Variants in ERP29 observed in about 807,000 individuals in gnomAD.
The protein encoded by ERP29 is endoplasmic reticulum resident protein 29.
In ERP29, 14 loss-of-function variants were observed where a neutral mutation model predicts 21.7. The ratio of observed to expected loss-of-function variants is 0.64; its 90% confidence interval spans 0.43 to 1.01. ERP29 has a LOEUF of 1.01. Among genes scored for constraint, ERP29 ranks in the 50% least tolerant of loss-of-function variants. ERP29 has a pLI of 0.00. For missense variants in ERP29, 286 were observed against 327.3 expected, an observed-to-expected ratio of 0.87 and a Z score of 0.97; for synonymous variants, 129 against 139.1, an observed-to-expected ratio of 0.93 and a Z score of 0.51.
intron 1 of ERP29, among the ~76,000 whole-genome samples, chr12:112,017,512 T>C (rs916691410): frequency 1.3e-5 from 2 of 152,074 alleles, no homozygotes; most frequent in African/African-American, 4.8e-5. Flanking sequence ...AGAGAGCAAA[T>C]GAAAAAGCTC....
At chr12:112,015,558 C>A (rs1032360788) in intron 1 of ERP29, among the ~76,000 whole-genome samples, 2 of 152,092 alleles carry the variant, frequency 1.3e-5, no homozygotes, top group Admixed American at 6.5e-5. Context: ...CCTACAGCAC[C>A]CTATGCTTTG....
At position 112,019,874 on chromosome 12, in the gene ERP29, T is replaced by C; in HGVS notation, c.263T>C (p.Val88Ala). 2 of 1,614,050 alleles carry C rather than the reference T, an allele frequency of 1.2e-6. No individual in the cohort carries two copies. The highest frequency in any genetic ancestry group is 2.2e-5 in the South Asian group (2 of 91,070). Residue 88 changes from valine (V) to alanine (A), a missense_variant, in exon 2 of 3, where the codon GTG becomes GCG. Physicochemically the swap from Val to Ala is moderately conservative, Grantham distance 64 (BLOSUM62 0). Coordinates refer to ENST00000261735, the MANE Select transcript of ERP29 (RefSeq NM_006817.4). ...TCGGCTTCCAGCGATGATCTCTTGG[T>C]GGCAGAGGTGGGGATCTCAGGTATG... ...ENSASSDDLL[V>A]AEVGISDYGD...
intron 1 of ERP29, among the ~76,000 whole-genome samples, chr12:112,016,877 G>A (rs2078015699): frequency 6.6e-6 from 1 of 151,826 alleles, no homozygotes; most frequent in Non-Finnish European, 1.5e-5. Flanking sequence ...GCAACAGAGC[G>A]AGACCCTGCC....
chr12:112,021,715 C>T (rs1305699367), intron 2 of ERP29, among the ~76,000 whole-genome samples: 3 of 151,596 alleles, frequency 2.0e-5, no homozygotes, highest in African/African-American at 7.3e-5. Flanking sequence ...TTAGCAGAGA[C>T]AGCGGTTTCA....
At position 112,015,928 on chromosome 12, in the gene ERP29, CTAGT is replaced by C. The variant is rs1455245886; in HGVS notation, c.144+2326_144+2329del. Among the ~76,000 whole-genome samples, 26 of 152,314 alleles carry C rather than the reference CTAGT, an allele frequency of 1.7e-4. 1 individual carries two copies. The highest frequency in any genetic ancestry group is 6.2e-4 in the South Asian group (3 of 4,828). ...TATTCTCTGCCCAAACTTTGAAAGG[CTAGT>C]TAGTTACTTCTCATCATTCGGGCTT... On this transcript the variant is annotated intron_variant, in intron 1 of 2. Coordinates refer to ENST00000261735, the MANE Select transcript of ERP29 (RefSeq NM_006817.4).
rs150286029 is a variant in ERP29 at position 112,022,892 on chromosome 12, G to A, written c.*240G>A. On this transcript the variant is annotated 3_prime_UTR_variant, in exon 3 of 3. Transcript: ENST00000261735. ...TGGCTGGTGAAATGACACCTCAGAA[G>A]GAATGAGTGCTATAGAGAGGAGAGA... 1 of 550,294 alleles carries A rather than the reference G, an allele frequency of 1.8e-6. No individual in the cohort carries two copies. The highest frequency in any genetic ancestry group is 3.1e-5 in the East Asian group (1 of 32,380). The allele number at this position is 550,294 out of a possible 1,614,324, so 34.1% of individuals were successfully genotyped here.
At chr12:112,021,703 T>G (rs548255029) in intron 2 of ERP29, among the ~76,000 whole-genome samples, 3 of 151,874 alleles carry the variant, frequency 2.0e-5, no homozygotes, top group Non-Finnish European at 4.4e-5. Context: ...TTTTTGTTAT[T>G]TTTAGCAGAG....
chr12:112,020,350 C>T (rs1309626755), intron 2 of ERP29, among the ~76,000 whole-genome samples: 1 of 152,140 alleles, frequency 6.6e-6, no homozygotes, highest in Non-Finnish European at 1.5e-5. Context: ...CCAACCACAG[C>T]GACAGCTTTA....
Position 112,021,548 on chromosome 12 carries a change from A to G in ERP29, c.284-602A>G, listed in dbSNP as rs567757286. ...TTTTTTTTTTTTTTTTTTTGAGACA[A>G]AGTCTCACTCTGTTGCCCAAGCTGG... On this transcript the variant is annotated intron_variant, in intron 2 of 2. Coordinates refer to ENST00000261735, the MANE Select transcript of ERP29 (RefSeq NM_006817.4). Among the ~76,000 whole-genome samples, 39 of 113,236 alleles carry G rather than the reference A, an allele frequency of 3.4e-4. No individual in the cohort carries two copies. The East Asian group carries it at 0.051, about 148-fold the overall frequency. 74.3% of individuals were successfully genotyped at this position (113,236 alleles called of 152,430 possible).
chr12:112,019,973 C>A, intron 2 of ERP29, 79 bp downstream of exon 2: 1 of 1,537,734 alleles, frequency 6.5e-7, no homozygotes, highest in Non-Finnish European at 9.0e-7. Flanking sequence ...AACAGGAATA[C>A]CCAGCATCTT....
At chr12:112,021,422 C>A (rs1010490440) in intron 2 of ERP29, among the ~76,000 whole-genome samples, 1 of 151,584 alleles carries the variant, frequency 6.6e-6, no homozygotes, top group African/African-American at 2.4e-5. Context: ...TTTGTCACAT[C>A]GCGCTGTTTT....
Position 112,023,396 on chromosome 12 carries a change from CACTAAATAAAT to C in ERP29, c.*750_*760del, listed in dbSNP as rs1326193664. ...AAATATTTTCCATCTAAATCACTAT[CACTAAATAAAT>C]ACTAACTTCTAGAAAGCAGAATAAA... On this transcript the variant is annotated 3_prime_UTR_variant, in exon 3 of 3. Coordinates refer to ENST00000261735, the MANE Select transcript of ERP29 (RefSeq NM_006817.4). 2.0e-5 allele frequency: 3 copies of C among 152,214 alleles called. No individual in the cohort carries two copies. Among genetic ancestry groups the C allele is most frequent in the Non-Finnish European group, 2.9e-5 (2 of 68,042 alleles). The allele number at this position is 152,214 out of a possible 1,614,324, so 9.4% of individuals were successfully genotyped here. A position where few individuals can be genotyped will look rare whatever the true frequency, so the allele number is the denominator to read the frequency against.
chr12:112,013,506 T>A lies in ERP29; in HGVS notation c.41T>A (p.Leu14Gln), dbSNP rs759574747. Residue 14 changes from leucine (L) to glutamine (Q), a missense_variant, in exon 1 of 3, where the codon CTG (leucine) becomes CAG (glutamine). Physicochemically the swap from Leu to Gln is moderately radical, Grantham distance 113. Coordinates refer to ENST00000261735, the MANE Select transcript of ERP29 (RefSeq NM_006817.4). ...CCCCGCGCCGCATTTCTCTCCCCGCTGCTTCCCCTTCTCCTGGGCTTCCTG... is the reference window on the plus strand; with the variant it reads ...CCCCGCGCCGCATTTCTCTCCCCGCAGCTTCCCCTTCTCCTGGGCTTCCTG... Reference protein sequence around the residue: ...AVPRAAFLSPLLPLLLGFLLL... With the variant: ...AVPRAAFLSPQLPLLLGFLLL... The A allele has an allele frequency of 5.6e-6, 9 of 1,612,630 alleles. No individual in the cohort carries two copies. In the South Asian group the frequency reaches 9.9e-5, roughly 18 times the overall value.
intron 2 of ERP29, among the ~76,000 whole-genome samples, chr12:112,021,672 C>T (rs1450762554): frequency 7.2e-5 from 11 of 151,734 alleles, no homozygotes; most frequent in Admixed American, 5.3e-4. Flanking sequence ...TACAGGCACG[C>T]GCCACCATGC....
rs565598520 is a variant in ERP29, at chr12:112,021,670, C to T, written c.284-480C>T. On this transcript the variant is annotated intron_variant, in intron 2 of 2. Transcript: ENST00000261735. ...TCTTGAGTAGCTGGGACTACAGGCA[C>T]GCGCCACCATGCCCTGCTAATTTTT... Among the ~76,000 whole-genome samples the T allele has an allele frequency of 6.1e-4, 92 of 151,740 alleles. 2 individuals are homozygous for T. The South Asian group carries it at 0.015, about 25-fold the overall frequency.
chr12:112,019,236 C>T (rs1430864418), intron 1 of ERP29: 2 of 186,928 alleles, frequency 1.1e-5, no homozygotes, highest in African/African-American at 2.4e-5. Context: ...AGGGAGAAGA[C>T]ATTGTCCCAA....
rs2078054649 is a variant in ERP29 at position 112,022,414 on chromosome 12, AG to A, written c.552del (p.Gln185LysfsTer7). On this transcript the variant is annotated frameshift_variant, in exon 3 of 3. Coordinates refer to ENST00000261735, the MANE Select transcript of ERP29 (RefSeq NM_006817.4). LOFTEE classifies it high-confidence loss of function. ...GVEARQALLK[Q>X]GQDNLSSVKE... ...GAGGCCCGCCAGGCCCTCTTGAAGC[AG>A]GGGCAAGATAACCTCTCAAGTGTGA... 6.2e-7 allele frequency: 1 copy of A among 1,614,060 alleles called. No individual in the cohort carries two copies. The highest frequency in any genetic ancestry group is 8.5e-7 in the Non-Finnish European group (1 of 1,180,030).
chr12:112,015,184 CAA>C (rs58875310), intron 1 of ERP29: 52 of 110,138 alleles, frequency 4.7e-4, no homozygotes, highest in African/African-American at 7.2e-4. Context: ...TACTCCGTCT[CAA>C]AAAAAAAAAA....
chr12:112,020,019 A>G, intron 2 of ERP29, 125 bp downstream of exon 2: 1 of 1,186,862 alleles, frequency 8.4e-7, no homozygotes, highest in South Asian at 1.4e-5. Flanking sequence ...GTAAGTAAAC[A>G]GGTTCATGGT....
Sources: gnomAD v4.1 joint callset for allele counts (sites outside exome capture counted in the v4.1 genomes callset) on GRCh38, gnomAD v4.1.1 for gene constraint, MANE v1.5 for transcripts, NCBI Gene and HGNC (gene_info 2026-07-23, HGNC 2026-07-21) for gene names.